CACNA2D2: variants seen among roughly 807,000 people sequenced by gnomAD.
CACNA2D2 encodes the protein voltage-dependent calcium channel subunit alpha-2/delta-2.
CACNA2D2 carries 48 observed loss-of-function variants against 166.4 expected under a neutral mutation model. That is an observed-to-expected ratio of 0.29 (90% CI 0.23 to 0.37). The LOEUF (loss-of-function observed/expected upper bound fraction) is 0.37, where lower values mean the gene tolerates loss of function less well. Among genes scored for constraint, CACNA2D2 ranks in the 10% least tolerant of loss-of-function variants. The probability of loss-of-function intolerance (pLI) is 1.00; values close to 1 mark genes in which losing one functional copy is unlikely to be tolerated. For synonymous variants in CACNA2D2, 561 were observed against 573.7 expected, an observed-to-expected ratio of 0.98 and a Z score of 0.32; for missense variants, 1,122 against 1,433.0, an observed-to-expected ratio of 0.78 and a Z score of 3.50.
At chr3:50,449,715 C>T (rs914226244) in intron 2 of CACNA2D2, among the ~76,000 whole-genome samples, 20 of 152,236 alleles carry the variant, frequency 1.3e-4, no homozygotes, top group African/African-American at 4.6e-4. Context: ...CTCCGCCACA[C>T]CACACTCAGA....
intron 3 of CACNA2D2, among the ~76,000 whole-genome samples, chr3:50,410,921 C>T (rs1706982119): frequency 6.6e-6 from 1 of 152,242 alleles, no homozygotes; most frequent in African/African-American, 2.4e-5. Flanking sequence ...CATGTGCAGA[C>T]ATGGGAAAGC....
chr3:50,380,908 C>T lies in CACNA2D2; in HGVS notation c.784+87G>A. 6 of 1,572,136 alleles carry T rather than the reference C, an allele frequency of 3.8e-6. No homozygotes were observed. Among genetic ancestry groups the T allele is most frequent in the African/African-American group, 1.3e-5 (1 of 74,284 alleles). Reference sequence around the variant, plus strand: ...GCTGCCACAGACTACAGAGAAGCCACCCCGCCCCATGCCCCCAGGATGGGT... The same window carrying T: ...GCTGCCACAGACTACAGAGAAGCCATCCCGCCCCATGCCCCCAGGATGGGT... On this transcript the variant is annotated intron_variant, in intron 7 of 37. Transcript: ENST00000424201. The surrounding 1 kb of genome is among the most constrained non-coding windows in gnomAD (Gnocchi z 4.9).
chr3:50,419,349 G>T (rs1052528821), intron 3 of CACNA2D2, among the ~76,000 whole-genome samples: 8 of 152,160 alleles, frequency 5.3e-5, no homozygotes, highest in Non-Finnish European at 1.0e-4. Flanking sequence ...CTGGCTGCCT[G>T]AGGTCAAGGA....
rs1163669391 is a variant in CACNA2D2, at chr3:50,364,642, T to C, written c.*24A>G. The C allele has an allele frequency of 4.8e-6, 7 of 1,464,652 alleles. No individual in the cohort carries two copies. Among genetic ancestry groups the C allele is most frequent in the Admixed American group, 5.2e-5 (2 of 38,636 alleles). The allele number at this position is 1,464,652 out of a possible 1,614,324, so 90.7% of individuals were successfully genotyped here. A position where few individuals can be genotyped will look rare whatever the true frequency, so the allele number is the denominator to read the frequency against. On this transcript the variant is annotated 3_prime_UTR_variant, in exon 38 of 38. Transcript: ENST00000424201. ...GCGAAGAGGCCGGGTGAGGTGGGAG[T>C]GGAGGTGGGGTGGGGCAGGGTGCTC...
rs769544468 is a variant in CACNA2D2, at chr3:50,443,055, G to C, written c.289-8626C>G. 1.1e-3 allele frequency among the ~76,000 whole-genome samples: 160 copies of C among 152,186 alleles called. 1 individual carries two copies. Among genetic ancestry groups the C allele is most frequent in the Non-Finnish European group, 1.8e-3 (122 of 68,022 alleles). On this transcript the variant is annotated intron_variant, in intron 2 of 37. Coordinates refer to ENST00000424201, the MANE Select transcript of CACNA2D2 (RefSeq NM_006030.4). Reference sequence around the variant, plus strand: ...AGGCAAGAACCAGGGGCCCCTGTTTGCTCCCCCTCCCTGAGTTGGGAGCCG... The same window carrying C: ...AGGCAAGAACCAGGGGCCCCTGTTTCCTCCCCCTCCCTGAGTTGGGAGCCG...
chr3:50,500,888 GA>G (rs1279873525), intron 1 of CACNA2D2, among the ~76,000 whole-genome samples: 1 of 152,146 alleles, frequency 6.6e-6, no homozygotes, highest in African/African-American at 2.4e-5. Flanking sequence ...AGCGATTGCA[GA>G]AATCATAGCT....
At position 50,380,788 on chromosome 3, in the gene CACNA2D2, GGGCTC is replaced by G. The variant is rs1471845362; in HGVS notation, c.797_801del (p.Arg266ProfsTer56). On this transcript the variant is annotated frameshift_variant, in exon 8 of 38. Coordinates refer to ENST00000424201, the MANE Select transcript of CACNA2D2 (RefSeq NM_006030.4). LOFTEE classifies it high-confidence loss of function. The surrounding 1 kb of genome is among the most constrained non-coding windows in gnomAD (Gnocchi z 4.9). ...ACATCGTACAGGTCGATCTTCTTGG[GGGCTC>G]GCCACGGGGTGGCTGAGGGAGGAGA... The G allele has an allele frequency of 6.5e-7, 1 of 1,548,380 alleles. No individual in the cohort carries two copies. Among genetic ancestry groups the G allele is most frequent in the African/African-American group, 1.4e-5 (1 of 72,376 alleles).
intron 1 of CACNA2D2, among the ~76,000 whole-genome samples, chr3:50,502,881 C>T (rs1699038552): frequency 6.6e-6 from 1 of 152,226 alleles, no homozygotes; most frequent in Admixed American, 6.5e-5. Context: ...TCACCCAACC[C>T]GGGTTTCCCT....
At chr3:50,412,065 A>G (rs1479924127) in intron 3 of CACNA2D2, among the ~76,000 whole-genome samples, 1 of 152,210 alleles carries the variant, frequency 6.6e-6, no homozygotes, top group Non-Finnish European at 1.5e-5. Flanking sequence ...CAGGAGGCTC[A>G]GGGTGAGCCC....
At position 50,363,347 on chromosome 3, in the gene CACNA2D2, C is replaced by A; in HGVS notation, c.*1319G>T. The A allele has an allele frequency of 2.5e-6, 1 of 398,430 alleles. No individual in the cohort carries two copies. The allele number at this position is 398,430 out of a possible 1,614,324, so 24.7% of individuals were successfully genotyped here. A position where few individuals can be genotyped will look rare whatever the true frequency, so the allele number is the denominator to read the frequency against. On this transcript the variant is annotated 3_prime_UTR_variant, in exon 38 of 38. Transcript: ENST00000424201. Reference sequence around the variant, plus strand: ...GCATCACCCTCCCCCTCCTCCCAGTCCATCTGAGCCCCATCACTATATCCC... The same window carrying A: ...GCATCACCCTCCCCCTCCTCCCAGTACATCTGAGCCCCATCACTATATCCC...
chr3:50,480,256 T>C (rs1317400887), intron 1 of CACNA2D2, among the ~76,000 whole-genome samples: 1 of 152,222 alleles, frequency 6.6e-6, no homozygotes, highest in Non-Finnish European at 1.5e-5. Flanking sequence ...CTTCTGCCGC[T>C]GTGTGACCTC....
At position 50,394,147 on chromosome 3, in the gene CACNA2D2, T is replaced by A. The variant is rs1232467711; in HGVS notation, c.427A>T (p.Asn143Tyr). Residue 143 changes from asparagine to tyrosine, a missense_variant, in exon 4 of 38, where the codon AAC becomes TAC. Asn to Tyr is a moderately radical substitution (Grantham distance 143). This residue lies in a region of CACNA2D2 where 840 missense variants were observed against 1,166.8 expected (regional missense o/e 0.72). Coordinates refer to ENST00000424201, the MANE Select transcript of CACNA2D2 (RefSeq NM_006030.4). The part of the protein sequence containing the change: ...ALKRLADAAE[N>Y]FQKAHRWQDN... ...TGCCAGCGGTGTGCTTTCTGGAAGTTCTCTGCAGCATCAGCCAGTCTCTGA... is the reference window on the plus strand; with the variant it reads ...TGCCAGCGGTGTGCTTTCTGGAAGTACTCTGCAGCATCAGCCAGTCTCTGA... The A allele has an allele frequency of 6.2e-6, 10 of 1,614,054 alleles. No homozygotes were observed. The highest frequency in any genetic ancestry group is 7.6e-6 in the Non-Finnish European group (9 of 1,179,970).
At position 50,379,621 on chromosome 3, in the gene CACNA2D2, C is replaced by T. The variant is rs937758740; in HGVS notation, c.994-31G>A. 1 of 1,613,026 alleles carries T rather than the reference C, an allele frequency of 6.2e-7. No homozygotes were observed. The highest frequency in any genetic ancestry group is 8.5e-7 in the Non-Finnish European group (1 of 1,179,358). On this transcript the variant is annotated intron_variant, in intron 10 of 37. Transcript: ENST00000424201. This position sits in a 1 kb window ranked among gnomAD's most constrained non-coding sequence, Gnocchi z 6.5. ...GGAACAGTAGGGTGGTGAGTGGCCT[C>T]AGGCTGGCCGGGGTAGGCAGCTATT...
chr3:50,460,484 T>A (rs898072135), intron 2 of CACNA2D2, among the ~76,000 whole-genome samples: 6 of 151,308 alleles, frequency 4.0e-5, no homozygotes, highest in African/African-American at 1.5e-4. Context: ...GTTTTTTTTT[T>A]AATCTATAAA....
At chr3:50,484,055 G>A (rs1441437394) in intron 1 of CACNA2D2, among the ~76,000 whole-genome samples, 4 of 152,082 alleles carry the variant, frequency 2.6e-5, no homozygotes, top group African/African-American at 7.2e-5. Context: ...GAAAGTGTCC[G>A]AAACGAGATC....
intron 4 of CACNA2D2, among the ~76,000 whole-genome samples, chr3:50,391,330 C>T (rs1330042849): frequency 1.3e-5 from 2 of 152,172 alleles, no homozygotes; most frequent in Non-Finnish European, 2.9e-5. Flanking sequence ...AATGGCCACT[C>T]CCCCCTCCCC....
intron 2 of CACNA2D2, among the ~76,000 whole-genome samples, chr3:50,475,104 G>C (rs1710252791): frequency 6.6e-6 from 1 of 152,074 alleles, no homozygotes; most frequent in African/African-American, 2.4e-5. Flanking sequence ...TCAACACACT[G>C]GCTGCCACCC....
chr3:50,448,961 G>C (rs1033404750), intron 2 of CACNA2D2, among the ~76,000 whole-genome samples: 1 of 152,166 alleles, frequency 6.6e-6, no homozygotes, highest in Non-Finnish European at 1.5e-5. Flanking sequence ...CTCAGGCAAG[G>C]GATCCTTCCT....
intron 1 of CACNA2D2, among the ~76,000 whole-genome samples, chr3:50,484,324 G>A (rs916875235): frequency 6.6e-6 from 1 of 152,102 alleles, no homozygotes; most frequent in Non-Finnish European, 1.5e-5. Context: ...CTCACTCACC[G>A]GCTTCCACCT....
Sources: allele counts gnomAD v4.1 joint callset (sites outside exome capture counted in the v4.1 genomes callset), GRCh38; gene constraint gnomAD v4.1.1; regional missense constraint gnomAD v4.1.1; non-coding constraint Gnocchi (gnomAD v3.1); transcripts MANE v1.5; gene names NCBI Gene and HGNC (gene_info 2026-07-23, HGNC 2026-07-21).